Variants in PSMA4 observed in about 807,000 individuals in gnomAD.
The protein encoded by PSMA4 is proteasome 20S subunit alpha 4, also known as proteasome subunit alpha type-4.
In PSMA4, 8 loss-of-function variants were observed where a neutral mutation model predicts 37.2. That is an observed-to-expected ratio of 0.22 (90% CI 0.13 to 0.39). The LOEUF is 0.39. Among genes scored for constraint, PSMA4 ranks in the 10% least tolerant of loss-of-function variants. PSMA4 has a pLI of 1.00. For missense variants in PSMA4, 169 were observed against 305.1 expected, an observed-to-expected ratio of 0.55 and a Z score of 3.32; for synonymous variants, 93 against 98.8, an observed-to-expected ratio of 0.94 and a Z score of 0.35.
intron 5 of PSMA4, chr15:78,544,479 TTAG>T (rs1190968596): frequency 6.1e-6 from 3 of 494,646 alleles, no homozygotes; most frequent in Non-Finnish European, 1.1e-5. Flanking sequence ...TTTTGTATTT[TTAG>T]TAGAGACGGG....
In PSMA4 at chr15:78,546,814, G is replaced by A. The variant is rs112660069; in HGVS notation, c.631+116G>A. ...TGGAGTCTCGCTCTGTTGCCAGGCT[G>A]GAGTGCAGTGGCGCAATCTCAGCTC... On this transcript the variant is annotated intron_variant, in intron 8 of 8. Transcript: ENST00000044462. 1,035 of 1,116,146 alleles carry A rather than the reference G, an allele frequency of 9.3e-4. 9 individuals carry two copies. In the African/African-American group the frequency reaches 0.016, roughly 17 times the overall value. The allele number at this position is 1,116,146 out of a possible 1,614,324, so 69.1% of individuals were successfully genotyped here. A position where few individuals can be genotyped will look rare whatever the true frequency, so the allele number is the denominator to read the frequency against.
Position 78,552,246 on chromosome 15 carries a change from A to G in PSMA4, c.*3302A>G, listed in dbSNP as rs1424828093. ...CATTTCATTAATCTGAGCAAAACTC[A>G]TGGGTTTTCACAGGGACCCTACCAG... On this transcript the variant is annotated 3_prime_UTR_variant, in exon 9 of 9. Coordinates refer to ENST00000044462, the MANE Select transcript of PSMA4 (RefSeq NM_002789.6). 6.6e-6 allele frequency: 1 copy of G among 152,222 alleles called. No homozygotes were observed. The highest frequency in any genetic ancestry group is 1.5e-5 in the Non-Finnish European group (1 of 68,044). 9.4% of individuals were successfully genotyped at this position (152,222 alleles called of 1,614,324 possible).
At chr15:78,541,108 C>A (rs59133824) in intron 1 of PSMA4, 38,770 of 151,756 alleles carry the variant, frequency 0.26, 5,645 homozygotes, top group Admixed American at 0.46. Flanking sequence ...CCTTGGGAAT[C>A]ATTCAGAGGA....
chr15:78,541,680 G>T, intron 1 of PSMA4: 3 of 501,728 alleles, frequency 6.0e-6, no homozygotes, highest in Non-Finnish European at 1.1e-5. Flanking sequence ...CCTACCCCCG[G>T]TTCCTCTTTC....
rs2052469537 is a variant in PSMA4 at position 78,542,341 on chromosome 15, A to C, written c.46+122A>C. On this transcript the variant is annotated intron_variant, in intron 3 of 8. Coordinates refer to ENST00000044462, the MANE Select transcript of PSMA4 (RefSeq NM_002789.6). ...TTCATCCTTTTTGTACTTTGAAGCA[A>C]TTATCATCACCAGGTTGATTATACC... 3.6e-6 allele frequency: 5 copies of C among 1,398,150 alleles called. No homozygotes were observed. In the East Asian group the frequency reaches 1.1e-4, roughly 32 times the overall value. The allele number at this position is 1,398,150 out of a possible 1,614,324, so 86.6% of individuals were successfully genotyped here. A position where few individuals can be genotyped will look rare whatever the true frequency, so the allele number is the denominator to read the frequency against.
Position 78,549,201 on chromosome 15 carries a change from T to C in PSMA4, c.*257T>C, listed in dbSNP as rs1198073384. On this transcript the variant is annotated 3_prime_UTR_variant, in exon 9 of 9. Transcript: ENST00000044462. ...AATTTGGAAAATGGAAATGAAGGAA[T>C]AAATTCTCTGTAGCAGTAATTGTTA... 8 of 337,236 alleles carry C rather than the reference T, an allele frequency of 2.4e-5. No homozygotes were observed. Among genetic ancestry groups the C allele is most frequent in the African/African-American group, 1.7e-4 (8 of 46,712 alleles). The allele number at this position is 337,236 out of a possible 1,614,324, so 20.9% of individuals were successfully genotyped here. A position where few individuals can be genotyped will look rare whatever the true frequency, so the allele number is the denominator to read the frequency against.
In PSMA4 at chr15:78,542,585, G is replaced by A. The variant is rs748174564; in HGVS notation, c.149G>A (p.Arg50His). ...GGTGTTTTGCTTGCAGCAGAGAGAC[G>A]CAACATCCACAAGCTTCTTGATGAA... ...NDGVLLAAER[R>H]NIHKLLDEVF... The change falls in exon 4 of 9, where the codon CGC (arginine) becomes CAC (histidine). Residue 50 changes from arginine to histidine, a missense_variant. By Grantham distance (29) the Arg-to-His change is conservative. Coordinates refer to ENST00000044462, the MANE Select transcript of PSMA4 (RefSeq NM_002789.6). 8 of 1,614,028 alleles carry A rather than the reference G, an allele frequency of 5.0e-6. No individual in the cohort carries two copies. The highest frequency in any genetic ancestry group is 1.3e-5 in the African/African-American group (1 of 75,008).
intron 8 of PSMA4, among the ~76,000 whole-genome samples, chr15:78,546,938 G>A (rs2052563805): frequency 6.6e-6 from 1 of 152,134 alleles, no homozygotes; most frequent in Non-Finnish European, 1.5e-5. Flanking sequence ...GCTAATTTTT[G>A]TATTTTTAGT....
Position 78,544,205 on chromosome 15 carries a change from T to C in PSMA4, c.225T>C (p.Ser75=), listed in dbSNP as rs1449877601. ...TTTCTTCAAGGGACATGGCTTGCAG[T>C]GTGGCAGGCATAACTTCTGATGCTA... ...IYKLNEDMAC[S]VAGITSDANV... Residue 75 remains serine, a synonymous_variant, in exon 5 of 9, where the codon AGT becomes AGC. Transcript: ENST00000044462. The C allele has an allele frequency of 1.9e-6, 3 of 1,613,508 alleles. No homozygotes were observed. Among genetic ancestry groups the C allele is most frequent in the Middle Eastern group, 1.6e-4 (1 of 6,082 alleles).
In PSMA4 at chr15:78,546,601, C is replaced by G. The variant is rs974805879; in HGVS notation, c.534C>G (p.Asp178Glu). The change falls in exon 8 of 9, where the codon GAC becomes GAG. Residue 178 changes from aspartate to glutamate, a missense_variant. Coordinates refer to ENST00000044462, the MANE Select transcript of PSMA4 (RefSeq NM_002789.6). ...SAAAVSMLKQ[D>E]YKEGEMTLKS... ...CAGCTGTGTCAATGTTGAAACAAGACTATAAAGAAGGAGAAATGACCTTGA... is the reference window on the plus strand; with the variant it reads ...CAGCTGTGTCAATGTTGAAACAAGAGTATAAAGAAGGAGAAATGACCTTGA... 2.6e-5 allele frequency: 41 copies of G among 1,599,364 alleles called. No homozygotes were observed. Among genetic ancestry groups the G allele is most frequent in the Non-Finnish European group, 3.3e-5 (39 of 1,176,200 alleles).
chr15:78,544,774 T>C, intron 5 of PSMA4, 95 bp from the exon 6 acceptor site: 1 of 745,342 alleles, frequency 1.3e-6, no homozygotes, highest in South Asian at 1.8e-5. Context: ...TGTTAGGTTG[T>C]CCCCATGGCA....
At chr15:78,542,428 A>AC in intron 3 of PSMA4, 55 bp from the exon 4 acceptor site, 1 of 1,567,228 alleles carries the variant, frequency 6.4e-7, no homozygotes, top group Non-Finnish European at 8.6e-7. Context: ...CTTTTGGGCC[A>AC]GTGGTGCAGG....
Position 78,548,982 on chromosome 15 carries a change from A to G in PSMA4, c.*38A>G. 1.3e-6 allele frequency: 2 copies of G among 1,584,786 alleles called. No homozygotes were observed. Among genetic ancestry groups the G allele is most frequent in the Non-Finnish European group, 1.7e-6 (2 of 1,168,700 alleles). On this transcript the variant is annotated 3_prime_UTR_variant, in exon 9 of 9. Transcript: ENST00000044462. ...TATTACTCATTTGGGGCACCATTTC[A>G]GTGTAAAAGCAGTCCTACTCTTCCA...
intron 7 of PSMA4, among the ~76,000 whole-genome samples, chr15:78,546,094 A>G (rs1390512164): frequency 3.3e-5 from 5 of 152,106 alleles, no homozygotes; most frequent in Non-Finnish European, 5.9e-5. Context: ...CTCTTTATAG[A>G]GCATTAGTAC....
chr15:78,545,786 T>G (rs774486848), intron 7 of PSMA4, 22 bp downstream of exon 7: 2 of 1,611,848 alleles, frequency 1.2e-6, no homozygotes, highest in Non-Finnish European at 1.7e-6. Flanking sequence ...TGTTGTGCTA[T>G]AAAATCTAGC....
At chr15:78,544,794 T>G in intron 5 of PSMA4, 75 bp from the exon 6 acceptor site, 3 of 1,052,078 alleles carry the variant, frequency 2.9e-6, no homozygotes, top group Non-Finnish European at 2.9e-6. Context: ...ATAGATTGCT[T>G]TTCAGAGAAT....
chr15:78,546,041 A>G (rs181839179), intron 7 of PSMA4, among the ~76,000 whole-genome samples: 17 of 152,268 alleles, frequency 1.1e-4, no homozygotes, highest in African/African-American at 3.4e-4. Flanking sequence ...CCTGTATTCT[A>G]TGACAGACCC....
At chr15:78,543,868 CTG>C (rs2052501418) in intron 4 of PSMA4, 1 of 227,488 alleles carries the variant, frequency 4.4e-6, no homozygotes, top group Admixed American at 5.7e-5. Context: ...TGTGGCAAGC[CTG>C]TCTTTTTATT....
rs1596048464 is a variant in PSMA4 at position 78,551,023 on chromosome 15, A to T, written c.*2079A>T. On this transcript the variant is annotated 3_prime_UTR_variant, in exon 9 of 9. Transcript: ENST00000044462. ...AATAAATCTTATTAACTCTGTCTGC[A>T]GAATTTACCCATAATCCAGCCACTT... The T allele has an allele frequency of 1.3e-5, 2 of 152,352 alleles. No homozygotes were observed. Among genetic ancestry groups the T allele is most frequent in the East Asian group, 3.9e-4 (2 of 5,184 alleles). The allele number at this position is 152,352 out of a possible 1,614,324, so 9.4% of individuals were successfully genotyped here.
Sources: allele counts gnomAD v4.1 joint callset (sites outside exome capture counted in the v4.1 genomes callset), GRCh38; gene constraint gnomAD v4.1.1; transcripts MANE v1.5; gene names NCBI Gene and HGNC (gene_info 2026-07-23, HGNC 2026-07-21).